ANKHD1: variants seen among roughly 807,000 people sequenced by gnomAD.
ANKHD1 encodes ankyrin repeat and KH domain-containing protein 1.
ANKHD1 carries 31 observed loss-of-function variants against 230.5 expected under a neutral mutation model. The observed-to-expected ratio is 0.13, with a 90% CI of 0.10 to 0.18. The LOEUF (loss-of-function observed/expected upper bound fraction) is 0.18. ANKHD1 is among the 10% of genes least tolerant of loss of function. The probability of loss-of-function intolerance (pLI) is 1.00; values close to 1 mark genes in which losing one functional copy is unlikely to be tolerated. For missense variants in ANKHD1, 2,256 were observed against 3,071.3 expected (o/e 0.73, Z 6.27); for synonymous variants, 1,074 against 1,117.6 (o/e 0.96, Z 0.78).
chr5:140,455,281 A>G (rs1387141328), intron 7 of ANKHD1, among the ~76,000 whole-genome samples: 1 of 152,220 alleles, frequency 6.6e-6, no homozygotes, highest in Admixed American at 6.5e-5. Flanking sequence ...ATTCTACCAG[A>G]GGTACAAGGA....
intron 22 of ANKHD1, 128 bp downstream of exon 22, chr5:140,510,309 CTTTTTTTTTTTTT>C: frequency 7.4e-6 from 4 of 539,198 alleles, no homozygotes; most frequent in Non-Finnish European, 9.9e-6. Flanking sequence ...TCTTTCCATT[CTTTTTTTTTTTTT>C]TTTTTTTTGA....
At chr5:140,482,713 G>A in intron 11 of ANKHD1, 46 bp downstream of exon 11, 4 of 1,572,504 alleles carry the variant, frequency 2.5e-6, no homozygotes, top group Admixed American at 1.9e-5. Flanking sequence ...ACAGTTTATG[G>A]AAAAAAAAAT....
intron 9 of ANKHD1, among the ~76,000 whole-genome samples, chr5:140,464,241 A>C (rs540021988): frequency 1.6e-4 from 24 of 152,124 alleles, no homozygotes; most frequent in African/African-American, 4.3e-4. Context: ...AAAAAAAAAA[A>C]AAAAAACTTA....
At chr5:140,446,762 T>C (rs529825598) in intron 6 of ANKHD1, among the ~76,000 whole-genome samples, 2 of 152,332 alleles carry the variant, frequency 1.3e-5, no homozygotes, top group South Asian at 4.1e-4. Flanking sequence ...TTCCAGTTTG[T>C]TTTTAAGTAT....
intron 14 of ANKHD1, 83 bp from the exon 15 acceptor site, chr5:140,496,437 G>T (rs1315790127): frequency 3.8e-6 from 5 of 1,321,504 alleles, no homozygotes; most frequent in South Asian, 1.8e-5. Flanking sequence ...AGGGGAGGCT[G>T]GTTTTCTTTT....
At chr5:140,519,047 A>T (rs1334189959) in intron 24 of ANKHD1, among the ~76,000 whole-genome samples, 1 of 152,210 alleles carries the variant, frequency 6.6e-6, no homozygotes, top group Admixed American at 6.5e-5. Flanking sequence ...CCATTGTCTC[A>T]GCCCAAAATC....
intron 20 of ANKHD1, among the ~76,000 whole-genome samples, chr5:140,509,039 T>C (rs1752653374): frequency 6.6e-6 from 1 of 152,154 alleles, no homozygotes; most frequent in Non-Finnish European, 1.5e-5. Flanking sequence ...TTCTTAAAGT[T>C]TAGTGCAACA....
At chr5:140,501,346 G>T (rs1192243033) in intron 15 of ANKHD1, among the ~76,000 whole-genome samples, 1 of 151,686 alleles carries the variant, frequency 6.6e-6, no homozygotes, top group Non-Finnish European at 1.5e-5. Context: ...CCAAAATGCT[G>T]GGATTACAGG....
intron 24 of ANKHD1, among the ~76,000 whole-genome samples, chr5:140,515,120 A>G (rs944889609): frequency 6.6e-6 from 1 of 151,998 alleles, no homozygotes; most frequent in Non-Finnish European, 1.5e-5. Flanking sequence ...TCTGCTAAAA[A>G]TACAAATATT....
intron 1 of ANKHD1, among the ~76,000 whole-genome samples, chr5:140,406,029 C>CAGG (rs1770410135): frequency 6.6e-6 from 1 of 151,926 alleles, no homozygotes; most frequent in Non-Finnish European, 1.5e-5. Flanking sequence ...CAGCTGAGGT[C>CAGG]AGGAGTTAGA....
At chr5:140,516,325 G>A (rs566220157) in intron 24 of ANKHD1, among the ~76,000 whole-genome samples, 1 of 152,202 alleles carries the variant, frequency 6.6e-6, no homozygotes, top group Non-Finnish European at 1.5e-5. Flanking sequence ...TCTGATTGGT[G>A]TACCTGAAAG....
At chr5:140,496,456 C>CTTT in intron 14 of ANKHD1, 64 bp from the exon 15 acceptor site, 1 of 875,152 alleles carries the variant, frequency 1.1e-6, no homozygotes, top group Non-Finnish European at 1.4e-6. Context: ...TTTTTTTTTT[C>CTTT]TTTTCTTTTT....
chr5:140,523,054 T>C (rs1363629243), intron 24 of ANKHD1, among the ~76,000 whole-genome samples: 1 of 151,880 alleles, frequency 6.6e-6, no homozygotes, highest in Non-Finnish European at 1.5e-5. Context: ...AAAATTTGTG[T>C]ATATTTAAAA....
Position 140,517,359 on chromosome 5 carries a change from C to T in ANKHD1, c.4317+3880C>T, listed in dbSNP as rs1753072021. On this transcript the variant is annotated intron_variant, in intron 24 of 33. Coordinates refer to ENST00000360839, the MANE Select transcript of ANKHD1 (RefSeq NM_017747.3). The stretch of plus-strand genomic sequence containing the variant: ...AATAATGGGAGACTTTAACACCCCA[C>T]TGTCAACATTAGACAGATCAACGAG... Among the ~76,000 whole-genome samples the T allele has an allele frequency of 2.0e-5, 3 of 147,316 alleles. 1 individual carries two copies. The East Asian group carries it at 6.0e-4, about 30-fold the overall frequency.
chr5:140,431,182 T>C (rs548114620), intron 1 of ANKHD1, among the ~76,000 whole-genome samples: 2 of 152,322 alleles, frequency 1.3e-5, no homozygotes, highest in African/African-American at 4.8e-5. Flanking sequence ...AGTAGTGCTT[T>C]TTGGGAAATC....
chr5:140,519,920 T>C (rs1753238781), intron 24 of ANKHD1, among the ~76,000 whole-genome samples: 1 of 151,720 alleles, frequency 6.6e-6, no homozygotes, highest in Non-Finnish European at 1.5e-5. Context: ...AAGCCAAAAT[T>C]GACAAATGGG....
At chr5:140,525,472 A>G (rs993339364) in intron 25 of ANKHD1, among the ~76,000 whole-genome samples, 1 of 152,132 alleles carries the variant, frequency 6.6e-6, no homozygotes, top group Non-Finnish European at 1.5e-5. Context: ...CATGTTGCCC[A>G]GGAGATCTTG....
At position 140,441,163 on chromosome 5, in the gene ANKHD1, T is replaced by C. The variant is rs763489987; in HGVS notation, c.913+21T>C. 4.6e-6 allele frequency: 7 copies of C among 1,507,894 alleles called. No individual in the cohort carries two copies. The Admixed American group carries it at 1.6e-4, about 35-fold the overall frequency. The allele number at this position is 1,507,894 out of a possible 1,614,324, so 93.4% of individuals were successfully genotyped here. ...AACAGGTATGTAGAAAATGATGTAT[T>C]AATTGGGAGAAAAAATTGACATAAT... On this transcript the variant is annotated intron_variant, in intron 5 of 33. Transcript: ENST00000360839.
In ANKHD1 at chr5:140,496,532, A is replaced by G; in HGVS notation, c.2258A>G (p.Gln753Arg). Residue 753 changes from glutamine to arginine, a missense_variant, in exon 15 of 34, where the codon CAG becomes CGG. By Grantham distance (43) the Gln-to-Arg change is conservative. Coordinates refer to ENST00000360839, the MANE Select transcript of ANKHD1 (RefSeq NM_017747.3). Reference sequence around the variant, plus strand: ...TTCATGTGCTTAGGTACATCCAAGCAGAAGTCCAGTTCCCTCCAGGTAGCA... The same window carrying G: ...TTCATGTGCTTAGGTACATCCAAGCGGAAGTCCAGTTCCCTCCAGGTAGCA... ...LLGVQKGTSK[Q>R]KSSSLQVADQ... is the part of the protein sequence containing the mutation. 1 of 1,586,496 alleles carries G rather than the reference A, an allele frequency of 6.3e-7. No individual in the cohort carries two copies. Among genetic ancestry groups the G allele is most frequent in the Non-Finnish European group, 8.5e-7 (1 of 1,170,958 alleles).
Sources: allele counts gnomAD v4.1 joint callset (sites outside exome capture counted in the v4.1 genomes callset), GRCh38; gene constraint gnomAD v4.1.1; transcripts MANE v1.5; gene names NCBI Gene and HGNC (gene_info 2026-07-23, HGNC 2026-07-21).